Variants in ZNF610 observed in about 807,000 individuals in gnomAD.
ZNF610 encodes zinc finger protein 610.
A neutral mutation model predicts 14.1 loss-of-function variants in ZNF610; 14 were observed. That is an observed-to-expected ratio of 0.99 (90% CI 0.65 to 1.55). The LOEUF (loss-of-function observed/expected upper bound fraction) is 1.55, where lower values mean the gene tolerates loss of function less well. ZNF610 is among the 40% of genes most tolerant of loss of function. ZNF610 has a pLI of 0.00. For synonymous variants in ZNF610, 185 were observed against 187.6 expected, an observed-to-expected ratio of 0.99 and a Z score of 0.11; for missense variants, 530 against 558.0, an observed-to-expected ratio of 0.95 and a Z score of 0.51.
chr19:52,331,428 A>G (rs1380932672), upstream of ZNF610, among the ~76,000 whole-genome samples: 1 of 152,204 alleles, frequency 6.6e-6, no homozygotes, highest in Non-Finnish European at 1.5e-5. Context: ...AGGGGAGCCT[A>G]AAGACACATA....
intron 5 of ZNF610, among the ~76,000 whole-genome samples, chr19:52,363,034 G>A (rs1600240831): frequency 6.6e-6 from 1 of 151,914 alleles, no homozygotes; most frequent in Non-Finnish European, 1.5e-5. Flanking sequence ...AAAGAAGGGG[G>A]AAGAAAGAAA....
intron 3 of ZNF610, among the ~76,000 whole-genome samples, chr19:52,349,760 G>A (rs544326726): frequency 1.4e-4 from 22 of 151,970 alleles, no homozygotes; most frequent in African/African-American, 2.7e-4. Flanking sequence ...TAGTAGAGAC[G>A]GGGCTTCACC....
At chr19:52,364,016 T>C (rs1985909789) in intron 5 of ZNF610, among the ~76,000 whole-genome samples, 1 of 152,214 alleles carries the variant, frequency 6.6e-6, no homozygotes, top group African/African-American at 2.4e-5. Flanking sequence ...TGTATGTTTG[T>C]AGATTTTCCT....
At chr19:52,340,659 T>C (rs1984643032) in intron 1 of ZNF610, among the ~76,000 whole-genome samples, 1 of 138,584 alleles carries the variant, frequency 7.2e-6, no homozygotes, top group African/African-American at 2.7e-5. Flanking sequence ...CGTTAATTTT[T>C]TTGTCTAGGA....
At chr19:52,342,896 T>G (rs321961) in intron 1 of ZNF610, among the ~76,000 whole-genome samples, 108,361 of 151,960 alleles carry the variant, frequency 0.71, 39,163 homozygotes, top group African/African-American at 0.82. Context: ...TGTCCCACAA[T>G]TTAGTCCTTA....
intron 5 of ZNF610, among the ~76,000 whole-genome samples, chr19:52,365,259 G>A (rs1452643086): frequency 6.6e-6 from 1 of 150,874 alleles, no homozygotes; most frequent in East Asian, 2.0e-4. Flanking sequence ...AAAAAGAATT[G>A]TGACAGGTGT....
In ZNF610 at chr19:52,353,765, C is replaced by T. The variant is rs183271585; in HGVS notation, c.147C>T (p.Tyr49=). 4 of 1,613,578 alleles carry T rather than the reference C, an allele frequency of 2.5e-6. No individual in the cohort carries two copies. The African/African-American group carries it at 5.3e-5, about 22-fold the overall frequency. ...TGGACCCTGGACAGAGGGCTTTATA[C>T]AGGGACGTGATGTTGGAGAACTACA... ...KSLDPGQRAL[Y]RDVMLENYRN... The change falls in exon 4 of 6, where the codon TAC becomes TAT. Residue 49 remains tyrosine, a synonymous_variant. Transcript: ENST00000403906.
chr19:52,363,186 A>G lies in ZNF610; in HGVS notation c.320-2512A>G, dbSNP rs549214012. Among the ~76,000 whole-genome samples, 10 of 151,224 alleles carry G rather than the reference A, an allele frequency of 6.6e-5. No individual in the cohort carries two copies. In the South Asian group the frequency reaches 1.9e-3, roughly 29 times the overall value. On this transcript the variant is annotated intron_variant, in intron 5 of 5. Coordinates refer to ENST00000403906, the MANE Select transcript of ZNF610 (RefSeq NM_001161425.2). ...TGTTGCCTACCCAGGCTGGAGGGCAATGGTGTGATCTCAGCTCACTGCAAC... is the reference window on the plus strand; with the variant it reads ...TGTTGCCTACCCAGGCTGGAGGGCAGTGGTGTGATCTCAGCTCACTGCAAC...
In ZNF610 at chr19:52,353,812, A is replaced by T. The variant is rs1299484835; in HGVS notation, c.190+4A>T. The T allele has an allele frequency of 6.2e-7, 1 of 1,609,140 alleles. No individual in the cohort carries two copies. Among genetic ancestry groups the T allele is most frequent in the African/African-American group, 1.3e-5 (1 of 74,672 alleles). On this transcript the variant is annotated splice_donor_region_variant and intron_variant, in intron 4 of 5. Transcript: ENST00000403906. ...TACAGGAACCTGGTCTTTCTGGGTG[A>T]GGATGACTTCCCTCCAGAAGCCGGG...
At chr19:52,352,012 T>G (rs1321864868) in intron 3 of ZNF610, among the ~76,000 whole-genome samples, 1 of 152,224 alleles carries the variant, frequency 6.6e-6, no homozygotes, top group Non-Finnish European at 1.5e-5. Flanking sequence ...CCAATTGGTC[T>G]GTGTACTGTT....
rs1433124458 is a variant in ZNF610, at chr19:52,347,896, C to G, written c.-68C>G. The G allele has an allele frequency of 1.3e-5, 2 of 152,220 alleles. No individual in the cohort carries two copies. The highest frequency in any genetic ancestry group is 2.4e-5 in the African/African-American group (1 of 41,452). 9.4% of individuals were successfully genotyped at this position (152,220 alleles called of 1,614,324 possible). On this transcript the variant is annotated 5_prime_UTR_variant, in exon 2 of 6. Coordinates refer to ENST00000403906, the MANE Select transcript of ZNF610 (RefSeq NM_001161425.2). ...GGCCATCACATTCGGTCACCACACA[C>G]TCACTGACTCATCCAGAGCAATTTC...
chr19:52,342,253 A>G (rs1379851904), intron 1 of ZNF610, among the ~76,000 whole-genome samples: 1 of 152,078 alleles, frequency 6.6e-6, no homozygotes, highest in East Asian at 1.9e-4. Context: ...TCCTACATAA[A>G]ATAAAGGTTT....
chr19:52,330,338 T>C, the ZNF610 span: 1 of 152,104 alleles, frequency 6.6e-6, no homozygotes, highest in East Asian at 1.9e-4. Flanking sequence ...ACCAGACTCT[T>C]TTCTGCTCCC....
chr19:52,359,756 A>G (rs1985692949), intron 5 of ZNF610, among the ~76,000 whole-genome samples: 2 of 152,252 alleles, frequency 1.3e-5, no homozygotes, highest in South Asian at 2.1e-4. Flanking sequence ...ACCTGGAGAT[A>G]GTGTCAGATC....
intron 1 of ZNF610, among the ~76,000 whole-genome samples, chr19:52,341,358 G>A (rs1290515093): frequency 6.6e-6 from 1 of 151,896 alleles, no homozygotes; most frequent in Non-Finnish European, 1.5e-5. Flanking sequence ...TCATCAGGCT[G>A]GAGTGCAGTG....
At chr19:52,362,182 G>A (rs1044231843) in intron 5 of ZNF610, among the ~76,000 whole-genome samples, 6 of 146,896 alleles carry the variant, frequency 4.1e-5, no homozygotes, top group Non-Finnish European at 9.1e-5. Flanking sequence ...AGGCCGAGGC[G>A]GGTGGATCAC....
chr19:52,366,452 C>G lies in ZNF610; in HGVS notation c.1074C>G (p.Tyr358Ter), dbSNP rs779501975. Residue 358 changes from tyrosine to a stop codon, truncating the protein, a stop_gained, in exon 6 of 6, where the codon TAC becomes TAG. Coordinates refer to ENST00000403906, the MANE Select transcript of ZNF610 (RefSeq NM_001161425.2). LOFTEE classifies it low-confidence loss of function (END_TRUNC). Reference sequence around the variant, plus strand: ...GCAAGGTCTTTAGTCTGCTTTCATACCTTGCACGGCATCAAATAATTCATA... The same window carrying G: ...GCAAGGTCTTTAGTCTGCTTTCATAGCTTGCACGGCATCAAATAATTCATA... ...ECGKVFSLLS[Y>*]LARHQIIHST... The G allele has an allele frequency of 1.9e-6, 3 of 1,614,194 alleles. No individual in the cohort carries two copies. Among genetic ancestry groups the G allele is most frequent in the Non-Finnish European group, 2.5e-6 (3 of 1,180,044 alleles).
chr19:52,351,504 C>G (rs992124315), intron 3 of ZNF610, among the ~76,000 whole-genome samples: 2 of 149,656 alleles, frequency 1.3e-5, no homozygotes, highest in African/African-American at 4.9e-5. Context: ...TTTTTTGTGC[C>G]TGGCGTGGTT....
intron 5 of ZNF610, among the ~76,000 whole-genome samples, chr19:52,363,488 G>A (rs1985883066): frequency 6.6e-6 from 1 of 152,102 alleles, no homozygotes; most frequent in South Asian, 2.1e-4. Context: ...ATATCGTGGA[G>A]CTATCTGTTT....
Sources: gnomAD v4.1 joint callset for allele counts (sites outside exome capture counted in the v4.1 genomes callset) on GRCh38, gnomAD v4.1.1 for gene constraint, MANE v1.5 for transcripts, NCBI Gene and HGNC (gene_info 2026-07-23, HGNC 2026-07-21) for gene names.